Variants in PPARG observed in about 807,000 individuals in gnomAD.
PPARG encodes the protein peroxisome proliferator activated receptor gamma.
A neutral mutation model predicts 39.2 loss-of-function variants in PPARG; 17 were observed. The observed-to-expected ratio is 0.43, with a 90% CI of 0.30 to 0.65. The LOEUF (loss-of-function observed/expected upper bound fraction) is 0.65, where lower values mean the gene tolerates loss of function less well. PPARG is among the 30% of genes least tolerant of loss of function. PPARG has a pLI of 0.13. For missense variants in PPARG, 406 were observed against 585.9 expected, an observed-to-expected ratio of 0.69 and a Z score of 3.17; for synonymous variants, 223 against 215.7, an observed-to-expected ratio of 1.03 and a Z score of -0.30.
chr3:12,371,085 G>T (rs1353651089), intron 2 of PPARG, among the ~76,000 whole-genome samples: 1 of 152,016 alleles, frequency 6.6e-6, no homozygotes, highest in Non-Finnish European at 1.5e-5. Flanking sequence ...ACAAATTACT[G>T]TTATACTATT....
In PPARG at chr3:12,434,012, A is replaced by G. The variant is rs756523051; in HGVS notation, c.1295A>G (p.Lys432Arg). 10 of 1,614,120 alleles carry G rather than the reference A, an allele frequency of 6.2e-6. No individual in the cohort carries two copies. The highest frequency in any genetic ancestry group is 3.3e-5 in the Admixed American group (2 of 60,012). The part of the protein sequence containing the change: ...NHPESSQLFA[K>R]LLQKMTDLRQ... ...CCTGAGTCCTCACAGCTGTTTGCCAAGCTGCTCCAGAAAATGACAGACCTC... is the reference window on the plus strand; with the variant it reads ...CCTGAGTCCTCACAGCTGTTTGCCAGGCTGCTCCAGAAAATGACAGACCTC... The change falls in exon 8 of 8, where the codon AAG becomes AGG. Residue 432 changes from lysine to arginine, a missense_variant. Physicochemically the swap from Lys to Arg is conservative, Grantham distance 26. Transcript: ENST00000651735. This position sits in a 1 kb window ranked among gnomAD's most constrained non-coding sequence, Gnocchi z 4.2.
chr3:12,386,300 T>C (rs1203736711), intron 4 of PPARG, among the ~76,000 whole-genome samples: 1 of 104,182 alleles, frequency 9.6e-6, no homozygotes, highest in Non-Finnish European at 1.9e-5. Flanking sequence ...AAACACTTGG[T>C]TATCATGAAC....
At chr3:12,355,912 C>CTT (rs2048645311) in intron 2 of PPARG, among the ~76,000 whole-genome samples, 1 of 152,184 alleles carries the variant, frequency 6.6e-6, no homozygotes, top group African/African-American at 2.4e-5. Context: ...TTTTTGTCAG[C>CTT]ATTCTCACTT....
intron 1 of PPARG, among the ~76,000 whole-genome samples, chr3:12,294,727 T>A (rs1490758078): frequency 1.3e-5 from 2 of 152,016 alleles, no homozygotes; most frequent in African/African-American, 4.8e-5. Context: ...AAACCCCACC[T>A]CTACTAAAAA....
At chr3:12,407,874 T>C (rs2050728892) in intron 6 of PPARG, among the ~76,000 whole-genome samples, 1 of 152,196 alleles carries the variant, frequency 6.6e-6, no homozygotes, top group Non-Finnish European at 1.5e-5. Flanking sequence ...TATACCTGGA[T>C]TCAATTCTTT....
chr3:12,401,673 T>C (rs1296088631), intron 5 of PPARG, among the ~76,000 whole-genome samples: 4 of 152,142 alleles, frequency 2.6e-5, no homozygotes, highest in South Asian at 4.1e-4. Flanking sequence ...AATTTCAGAT[T>C]TGTGTATGTT....
At position 12,416,797 on chromosome 3, in the gene PPARG, G is replaced by T; in HGVS notation, c.823G>T (p.Val275Leu). 2 of 1,614,112 alleles carry T rather than the reference G, an allele frequency of 1.2e-6. No homozygotes were observed. The highest frequency in any genetic ancestry group is 1.7e-6 in the Non-Finnish European group (2 of 1,179,988). The change falls in exon 7 of 8, where the codon GTG becomes TTG. Residue 275 changes from valine (V) to leucine (L), a missense_variant. Around this residue, in one of 2 missense-constraint regions of PPARG, gnomAD observed 275 missense variants for 458.0 expected, o/e 0.60. Transcript: ENST00000651735. ...CCCCCTGCAGGAGCAGAGCAAAGAG[G>T]TGGCCATCCGCATCTTTCAGGGCTG... The part of the protein sequence containing the change: ...ITPLQEQSKE[V>L]AIRIFQGCQF...
At chr3:12,357,262 C>T (rs559877492) in intron 2 of PPARG, among the ~76,000 whole-genome samples, 53 of 152,240 alleles carry the variant, frequency 3.5e-4, no homozygotes, top group African/African-American at 1.2e-3. Flanking sequence ...TGCCCTACCC[C>T]AGCTGACCCC....
At chr3:12,414,550 G>A (rs1415505410) in intron 6 of PPARG, among the ~76,000 whole-genome samples, 1 of 151,958 alleles carries the variant, frequency 6.6e-6, no homozygotes, top group Non-Finnish European at 1.5e-5. Flanking sequence ...CAAGAAACAC[G>A]TTTTCTCTAG....
At chr3:12,406,968 C>T (rs1176008420) in intron 6 of PPARG, 1 of 152,188 alleles carries the variant, frequency 6.6e-6, no homozygotes, top group Non-Finnish European at 1.5e-5. Context: ...CATTGAGCAG[C>T]ACTGTTTAGA....
intron 7 of PPARG, among the ~76,000 whole-genome samples, chr3:12,427,279 G>A (rs999434867): frequency 4.7e-5 from 7 of 147,464 alleles, no homozygotes; most frequent in Non-Finnish European, 7.5e-5. Flanking sequence ...TTGGGGCACC[G>A]TGGGTTTTTT....
chr3:12,408,557 C>A, intron 6 of PPARG, among the ~76,000 whole-genome samples: 1 of 131,626 alleles, frequency 7.6e-6, no homozygotes, highest in East Asian at 2.1e-4. Flanking sequence ...GTTTTCTTTT[C>A]TTTTCTTTTC....
intron 2 of PPARG, among the ~76,000 whole-genome samples, chr3:12,326,615 T>C (rs981452500): frequency 5.3e-5 from 8 of 152,240 alleles, no homozygotes; most frequent in African/African-American, 1.9e-4. Flanking sequence ...GCACTAGTAG[T>C]AGACTTTTAA....
intron 2 of PPARG, among the ~76,000 whole-genome samples, chr3:12,349,042 A>T (rs2048406706): frequency 6.6e-6 from 1 of 152,218 alleles, no homozygotes; most frequent in Non-Finnish European, 1.5e-5. Flanking sequence ...TACTTAAACA[A>T]ATATATTGTT....
intron 5 of PPARG, among the ~76,000 whole-genome samples, chr3:12,395,765 C>T (rs548453235): frequency 2.0e-5 from 3 of 152,282 alleles, no homozygotes; most frequent in Non-Finnish European, 2.9e-5. Context: ...TTAATTCCAC[C>T]GATTGCTCAG....
At chr3:12,328,035 G>C in intron 2 of PPARG, 2 of 1,340,504 alleles carry the variant, frequency 1.5e-6, no homozygotes, top group Non-Finnish European at 2.1e-6. Flanking sequence ...GAACGAAAAA[G>C]CATGCACATC....
intron 2 of PPARG, among the ~76,000 whole-genome samples, chr3:12,331,684 G>T (rs544405188): frequency 6.6e-6 from 1 of 152,338 alleles, no homozygotes; most frequent in East Asian, 1.9e-4. Flanking sequence ...AAGTGGAAGA[G>T]ACTGAAGCAT....
intron 5 of PPARG, among the ~76,000 whole-genome samples, chr3:12,394,058 C>G (rs1276498677): frequency 1.3e-5 from 2 of 152,142 alleles, no homozygotes; most frequent in African/African-American, 4.8e-5. Context: ...TGGTTCAGTT[C>G]CATCAGTTTC....
intron 4 of PPARG, among the ~76,000 whole-genome samples, chr3:12,387,168 C>T (rs1386483261): frequency 2.0e-5 from 3 of 152,160 alleles, no homozygotes; most frequent in Admixed American, 1.3e-4. Context: ...TGAATAGTGC[C>T]ATAATAAACA....
Sources: allele counts gnomAD v4.1 joint callset (sites outside exome capture counted in the v4.1 genomes callset), GRCh38; gene constraint gnomAD v4.1.1; regional missense constraint gnomAD v4.1.1; non-coding constraint Gnocchi (gnomAD v3.1); transcripts MANE v1.5; gene names NCBI Gene and HGNC (gene_info 2026-07-23, HGNC 2026-07-21).